HPS1: variants seen among roughly 807,000 people sequenced by gnomAD.
HPS1 encodes BLOC-3 complex member HPS1.
Under a neutral mutation model 90.6 loss-of-function variants are expected in HPS1, and 59 were observed. The observed-to-expected ratio is 0.65, with a 90% CI of 0.53 to 0.81. HPS1 has a LOEUF of 0.81. Ranked by LOEUF, HPS1 falls within the 30% of genes least tolerant of loss-of-function variation. HPS1 has a pLI of 0.00. For synonymous variants in HPS1, 388 were observed against 384.4 expected, an observed-to-expected ratio of 1.01 and a Z score of -0.11; for missense variants, 849 against 896.7, an observed-to-expected ratio of 0.95 and a Z score of 0.68.
At chr10:98,434,438 CT>C (rs1846995982) in intron 5 of HPS1, among the ~76,000 whole-genome samples, 1 of 150,110 alleles carries the variant, frequency 6.7e-6, no homozygotes, top group African/African-American at 2.5e-5. Context: ...CATCAGGGCC[CT>C]ACTCAGGGTC....
chr10:98,443,887 G>C (rs1243805193), intron 2 of HPS1, among the ~76,000 whole-genome samples: 1 of 152,130 alleles, frequency 6.6e-6, no homozygotes, highest in East Asian at 1.9e-4. Context: ...ACAAAAATTA[G>C]CCAGGCATGG....
intron 10 of HPS1, among the ~76,000 whole-genome samples, chr10:98,428,960 G>A (rs1845983552): frequency 6.6e-6 from 1 of 151,844 alleles, no homozygotes; most frequent in African/African-American, 2.4e-5. Flanking sequence ...TCCTGCCTCA[G>A]CCTCCCGAGT....
In HPS1 at chr10:98,435,797, C is replaced by T. The variant is rs199551574; in HGVS notation, c.118-25G>A. On this transcript the variant is annotated intron_variant, in intron 3 of 19. Transcript: ENST00000361490. This position sits in a 1 kb window ranked among gnomAD's most constrained non-coding sequence, Gnocchi z 4.3. ...GCTGCAAAAATGGGGGAAAATTTCACAGCTTAGAGTGGGCCAGACACCAAG... is the reference window on the plus strand; with the variant it reads ...GCTGCAAAAATGGGGGAAAATTTCATAGCTTAGAGTGGGCCAGACACCAAG... 2.8e-4 allele frequency: 447 copies of T among 1,614,054 alleles called. 3 individuals carry two copies. In the South Asian group the frequency reaches 3.6e-3, roughly 13 times the overall value.
At position 98,445,378 on chromosome 10, in the gene HPS1, T is replaced by G. The variant is rs1336929548; in HGVS notation, c.-79A>C. On this transcript the variant is annotated 5_prime_UTR_variant, in exon 2 of 20. It removes an upstream start codon present in the reference 5' UTR. Coordinates refer to ENST00000361490, the MANE Select transcript of HPS1 (RefSeq NM_000195.5). This position sits in a 1 kb window ranked among gnomAD's most constrained non-coding sequence, Gnocchi z 4.5. Reference sequence around the variant, plus strand: ...GCAGACCGACTCGGTGACTGGCTCATGGGAGAGCAGCACAGCATCCCTGGT... The same window carrying G: ...GCAGACCGACTCGGTGACTGGCTCAGGGGAGAGCAGCACAGCATCCCTGGT... 1 of 152,806 alleles carries G rather than the reference T, an allele frequency of 6.5e-6. No homozygotes were observed. The highest frequency in any genetic ancestry group is 1.5e-5 in the Non-Finnish European group (1 of 68,390). The allele number at this position is 152,806 out of a possible 1,614,324, so 9.5% of individuals were successfully genotyped here.
At chr10:98,414,994 G>T, downstream of HPS1, 1 of 1,611,818 alleles carries the variant, frequency 6.2e-7, no homozygotes. Flanking sequence ...GGCCCGGCCT[G>T]CTTTACCACT....
chr10:98,445,514 C>T lies in HPS1; in HGVS notation c.-105-110G>A, dbSNP rs1184251225. ...AGAAGGGCTGCGTGGTCCCTGGTCT[C>T]TCCAGGCCCTGAGGCAGTCTGCTAA... On this transcript the variant is annotated intron_variant, in intron 1 of 19. Transcript: ENST00000361490. The surrounding 1 kb of genome is among the most constrained non-coding windows in gnomAD (Gnocchi z 4.5). 6.6e-6 allele frequency: 1 copy of T among 152,476 alleles called. No homozygotes were observed. Among genetic ancestry groups the T allele is most frequent in the Admixed American group, 6.5e-5 (1 of 15,286 alleles). 9.4% of individuals were successfully genotyped at this position (152,476 alleles called of 1,614,324 possible).
intron 3 of HPS1, among the ~76,000 whole-genome samples, chr10:98,441,378 T>A (rs1938391281): frequency 6.6e-6 from 1 of 152,040 alleles, no homozygotes; most frequent in Non-Finnish European, 1.5e-5. Flanking sequence ...ACACAAAAAT[T>A]CAAAGTAGAT....
chr10:98,431,406 G>T, intron 6 of HPS1, 115 bp from the exon 7 acceptor site: 2 of 1,147,510 alleles, frequency 1.7e-6, no homozygotes, highest in Non-Finnish European at 2.5e-6. Flanking sequence ...CTCTGCACCA[G>T]ATACTTGGAA....
chr10:98,414,873 G>A, downstream of HPS1: 1 of 1,309,468 alleles, frequency 7.6e-7, no homozygotes, highest in Non-Finnish European at 1.0e-6. Flanking sequence ...GCCCCTGCTA[G>A]CGTATAAACT....
chr10:98,433,950 C>G (rs1846904246), intron 6 of HPS1, 33 bp downstream of exon 6: 1 of 1,550,534 alleles, frequency 6.4e-7, no homozygotes, highest in African/African-American at 1.4e-5. Context: ...CTGACAGCTT[C>G]AAGTCCTGAG....
chr10:98,444,369 A>G (rs1263190033), intron 2 of HPS1, among the ~76,000 whole-genome samples: 1 of 151,528 alleles, frequency 6.6e-6, no homozygotes, highest in Non-Finnish European at 1.5e-5. Flanking sequence ...ACTGTGTGCC[A>G]TGGCCCTCTG....
At position 98,425,652 on chromosome 10, in the gene HPS1, C is replaced by A; in HGVS notation, c.1224G>T (p.Lys408Asn). Residue 408 changes from lysine to asparagine, a missense_variant, in exon 13 of 20, where the codon AAG (lysine) becomes AAT (asparagine). Lys to Asn is a moderately conservative substitution (Grantham distance 94, BLOSUM62 0). Transcript: ENST00000361490. ...LMDGFSMLEK[K>N]LKEGPEPGAS... ...CCCCGGGCTCCGGCCCTTCCTTCAG[C>A]TTCTTCTCCAGCATGGAGAAGCCAT... The A allele has an allele frequency of 6.2e-7, 1 of 1,613,740 alleles. No homozygotes were observed. The highest frequency in any genetic ancestry group is 8.5e-7 in the Non-Finnish European group (1 of 1,179,948).
chr10:98,424,477 C>T, intron 13 of HPS1, 103 bp from the exon 14 acceptor site: 1 of 999,584 alleles, frequency 1.0e-6, no homozygotes, highest in Non-Finnish European at 1.5e-6. Flanking sequence ...ACAGGGCCCC[C>T]AGACAAATCT....
At chr10:98,439,894 A>G (rs572885646) in intron 3 of HPS1, among the ~76,000 whole-genome samples, 2 of 152,294 alleles carry the variant, frequency 1.3e-5, no homozygotes, top group Non-Finnish European at 2.9e-5. Flanking sequence ...TAATTGAATC[A>G]TGGGAGCAGT....
intron 18 of HPS1, among the ~76,000 whole-genome samples, chr10:98,419,232 G>A (rs950865012): frequency 1.3e-5 from 2 of 152,194 alleles, no homozygotes; most frequent in South Asian, 4.1e-4. Flanking sequence ...GGGGGCAGGG[G>A]AAGGCACAGG....
downstream of HPS1, chr10:98,415,323 G>T (rs557149437): frequency 1.6e-5 from 12 of 750,746 alleles, no homozygotes; most frequent in Admixed American, 3.3e-5. Flanking sequence ...GTGCTGGGCC[G>T]TCGGGAGTGT....
intron 7 of HPS1, 93 bp from the exon 8 acceptor site, chr10:98,430,763 TCAA>T: frequency 1.0e-6 from 1 of 1,000,954 alleles, no homozygotes; most frequent in Non-Finnish European, 1.5e-6. Flanking sequence ...GCCCCTGCCC[TCAA>T]GGAGCAATGT....
Position 98,417,532 on chromosome 10 carries a change from A to G in HPS1, c.*32T>C. The G allele has an allele frequency of 2.5e-6, 4 of 1,591,028 alleles. No homozygotes were observed. The highest frequency in any genetic ancestry group is 3.4e-6 in the Non-Finnish European group (4 of 1,165,808). On this transcript the variant is annotated 3_prime_UTR_variant, in exon 20 of 20. Transcript: ENST00000361490. This position sits in a 1 kb window ranked among gnomAD's most constrained non-coding sequence, Gnocchi z 4.2. Reference sequence around the variant, plus strand: ...TGGCAAGCAAGGGTGGCTGGAGGACAGGATGCAAAGGCAGACTGCGGCCAC... The same window carrying G: ...TGGCAAGCAAGGGTGGCTGGAGGACGGGATGCAAAGGCAGACTGCGGCCAC...
chr10:98,420,004 G>T, intron 18 of HPS1, 41 bp downstream of exon 18: 2 of 1,171,674 alleles, frequency 1.7e-6, no homozygotes, highest in Non-Finnish European at 2.6e-6. Flanking sequence ...AGCGGGAAGT[G>T]TGTGTGGCCC....
Sources: gnomAD v4.1 joint callset for allele counts (sites outside exome capture counted in the v4.1 genomes callset) on GRCh38, gnomAD v4.1.1 for gene constraint, Gnocchi (gnomAD v3.1) non-coding constraint, MANE v1.5 for transcripts, NCBI Gene and HGNC (gene_info 2026-07-23, HGNC 2026-07-21) for gene names.